NCAPG2: variants seen among roughly 807,000 people sequenced by gnomAD.
The protein encoded by NCAPG2 is non-SMC condensin II complex subunit G2, also known as condensin-2 complex subunit G2.
NCAPG2 carries 53 observed loss-of-function variants against 141.1 expected under a neutral mutation model. The observed-to-expected ratio is 0.38, with a 90% CI of 0.30 to 0.47. The LOEUF is 0.47. Ranked by LOEUF, NCAPG2 falls within the 20% of genes least tolerant of loss-of-function variation. The pLI is 0.99. For missense variants in NCAPG2, 1,087 were observed against 1,389.0 expected, an observed-to-expected ratio of 0.78 and a Z score of 3.46; for synonymous variants, 499 against 490.7, an observed-to-expected ratio of 1.02 and a Z score of -0.22.
chr7:158,631,305 C>T lies in NCAPG2; in HGVS notation c.*361G>A. 4.2e-6 allele frequency: 1 copy of T among 238,568 alleles called. No individual in the cohort carries two copies. Among genetic ancestry groups the T allele is most frequent in the Non-Finnish European group, 8.0e-6 (1 of 125,426 alleles). 14.8% of individuals were successfully genotyped at this position (238,568 alleles called of 1,614,324 possible). On this transcript the variant is annotated 3_prime_UTR_variant, in exon 28 of 28. Coordinates refer to ENST00000356309, the MANE Select transcript of NCAPG2 (RefSeq NM_017760.7). ...CGGGCCCCTAATACTTTCAAATAAA[C>T]AAATGGATGTTGTCATTGCTTTATT...
intron 17 of NCAPG2, 102 bp from the exon 18 acceptor site, chr7:158,656,807 T>C: frequency 7.5e-7 from 1 of 1,340,404 alleles, no homozygotes; most frequent in African/African-American, 1.5e-5. Context: ...TGACGGTGCA[T>C]AAGCCCTTGT....
At chr7:158,674,987 A>G (rs1437760818) in intron 12 of NCAPG2, among the ~76,000 whole-genome samples, 2 of 152,328 alleles carry the variant, frequency 1.3e-5, no homozygotes, top group Admixed American at 1.3e-4. Flanking sequence ...CAGGGGGAAA[A>G]AAGATCAGTG....
intron 11 of NCAPG2, among the ~76,000 whole-genome samples, chr7:158,677,849 C>G (rs888288385): frequency 6.6e-5 from 10 of 152,132 alleles, no homozygotes; most frequent in Non-Finnish European, 1.2e-4. Flanking sequence ...CTTGCTCTGT[C>G]ACCCAGGCTG....
At chr7:158,691,858 T>C (rs1276528003) in intron 4 of NCAPG2, among the ~76,000 whole-genome samples, 3 of 152,236 alleles carry the variant, frequency 2.0e-5, no homozygotes, top group Non-Finnish European at 2.9e-5. Flanking sequence ...TGACACTATC[T>C]AGCAATGGTA....
intron 4 of NCAPG2, among the ~76,000 whole-genome samples, chr7:158,692,073 G>A (rs141775836): frequency 9.2e-5 from 14 of 152,204 alleles, no homozygotes; most frequent in Non-Finnish European, 4.4e-5. Context: ...GCCAGGGCAA[G>A]GTGGGAGGAT....
At chr7:158,663,148 AC>A (rs1460452348) in intron 15 of NCAPG2, among the ~76,000 whole-genome samples, 1 of 152,164 alleles carries the variant, frequency 6.6e-6, no homozygotes, top group African/African-American at 2.4e-5. Context: ...ACACAGCCAG[AC>A]CCACCAACAA....
rs1264184874 is a variant in NCAPG2, at chr7:158,698,438, A to G, written c.78+3384T>C. Among the ~76,000 whole-genome samples, 10 of 152,144 alleles carry G rather than the reference A, an allele frequency of 6.6e-5. No individual in the cohort carries two copies. In the South Asian group the frequency reaches 2.1e-3, roughly 31 times the overall value. ...AGATGTACCATTTTTTATGTTTTAT[A>G]CTGTATTTTTACTGTACCTTTTCAA... On this transcript the variant is annotated intron_variant, in intron 2 of 27. Transcript: ENST00000356309.
At chr7:158,671,334 A>C (rs1833670426) in intron 13 of NCAPG2, among the ~76,000 whole-genome samples, 180 bp downstream of exon 13, 1 of 152,270 alleles carries the variant, frequency 6.6e-6, no homozygotes, top group Non-Finnish European at 1.5e-5. Context: ...GAAAGAAAAC[A>C]CATTGATAAT....
Position 158,648,357 on chromosome 7 carries a change from G to A in NCAPG2, c.3076-1794C>T, listed in dbSNP as rs147849084. Among the ~76,000 whole-genome samples the A allele has an allele frequency of 5.2e-3, 791 of 151,304 alleles. 8 individuals are homozygous for A. Among genetic ancestry groups the A allele is most frequent in the African/African-American group, 0.014 (557 of 41,196 alleles). On this transcript the variant is annotated intron_variant, in intron 24 of 27. Coordinates refer to ENST00000356309, the MANE Select transcript of NCAPG2 (RefSeq NM_017760.7). Reference sequence around the variant, plus strand: ...ATAAAGTCAACAGAGATAAAATGGCGTAGTAAAAACAATTCATCATAAAAG... The same window carrying A: ...ATAAAGTCAACAGAGATAAAATGGCATAGTAAAAACAATTCATCATAAAAG...
At chr7:158,660,084 G>GGCGACAGA (rs907600471) in intron 16 of NCAPG2, among the ~76,000 whole-genome samples, 4 of 151,622 alleles carry the variant, frequency 2.6e-5, no homozygotes, top group African/African-American at 7.3e-5. Flanking sequence ...CTCCAGCCTG[G>GGCGACAGA]GCGACAGAGC....
At chr7:158,687,923 C>T (rs2129468609) in intron 6 of NCAPG2, among the ~76,000 whole-genome samples, 1 of 152,280 alleles carries the variant, frequency 6.6e-6, no homozygotes, top group South Asian at 2.1e-4. Context: ...TTTCCAAATA[C>T]ACAGTCTTCA....
rs1834546994 is a variant in NCAPG2, at chr7:158,683,237, A to C, written c.924+63T>G. 5 of 1,314,192 alleles carry C rather than the reference A, an allele frequency of 3.8e-6. No individual in the cohort carries two copies. In the Admixed American group the frequency reaches 7.8e-5, roughly 21 times the overall value. 81.4% of individuals were successfully genotyped at this position (1,314,192 alleles called of 1,614,324 possible). A position where few individuals can be genotyped will look rare whatever the true frequency, so the allele number is the denominator to read the frequency against. ...AGCTTAATTTTAAAATTTAACCAAA[A>C]CAATTATCTAAAAACAAAACAGAGG... On this transcript the variant is annotated intron_variant, in intron 9 of 27. Transcript: ENST00000356309.
At chr7:158,658,450 C>G in intron 16 of NCAPG2, 42 bp from the exon 17 acceptor site, 1 of 1,515,848 alleles carries the variant, frequency 6.6e-7, no homozygotes, top group Middle Eastern at 1.7e-4. Context: ...CATATGTAAG[C>G]ACTATAAATT....
In NCAPG2 at chr7:158,631,606, C is replaced by T. The variant is rs928117504; in HGVS notation, c.*60G>A. ...ACATTAAAAACAATAGGAAAATACA[C>T]AGGCATTTCAATTTGAATCACTTTT... On this transcript the variant is annotated 3_prime_UTR_variant, in exon 28 of 28. Coordinates refer to ENST00000356309, the MANE Select transcript of NCAPG2 (RefSeq NM_017760.7). 1.4e-6 allele frequency: 2 copies of T among 1,381,102 alleles called. No individual in the cohort carries two copies. Among genetic ancestry groups the T allele is most frequent in the Admixed American group, 1.7e-5 (1 of 58,224 alleles). The allele number at this position is 1,381,102 out of a possible 1,614,324, so 85.6% of individuals were successfully genotyped here. A position where few individuals can be genotyped will look rare whatever the true frequency, so the allele number is the denominator to read the frequency against.
At chr7:158,671,058 G>A (rs1417431593) in intron 13 of NCAPG2, among the ~76,000 whole-genome samples, 2 of 131,080 alleles carry the variant, frequency 1.5e-5, no homozygotes, top group Non-Finnish European at 3.2e-5. Flanking sequence ...TAAAGTGGGT[G>A]TCTCCCTCCT....
intron 8 of NCAPG2, among the ~76,000 whole-genome samples, chr7:158,684,763 G>A (rs1231908934): frequency 6.6e-6 from 1 of 152,220 alleles, no homozygotes; most frequent in Non-Finnish European, 1.5e-5. Context: ...ATGTTGGCCA[G>A]GCTGGTCTCA....
intron 8 of NCAPG2, among the ~76,000 whole-genome samples, chr7:158,685,926 C>G (rs1180789264): frequency 6.6e-6 from 1 of 152,142 alleles, no homozygotes; most frequent in African/African-American, 2.4e-5. Flanking sequence ...TTCCAAATGC[C>G]CAGTGAGCAC....
chr7:158,644,692 G>A (rs911773818), intron 26 of NCAPG2, among the ~76,000 whole-genome samples: 4 of 152,100 alleles, frequency 2.6e-5, no homozygotes, highest in Admixed American at 2.0e-4. Context: ...TTTAACTATC[G>A]CAGGTAGTTA....
At chr7:158,654,770 C>G in intron 21 of NCAPG2, 76 bp from the exon 22 acceptor site, 2 of 1,523,440 alleles carry the variant, frequency 1.3e-6, no homozygotes, top group East Asian at 4.8e-5. Context: ...CAAAGCTTCT[C>G]CTATCCATGT....
Sources: allele counts gnomAD v4.1 joint callset (sites outside exome capture counted in the v4.1 genomes callset), GRCh38; gene constraint gnomAD v4.1.1; transcripts MANE v1.5; gene names NCBI Gene and HGNC (gene_info 2026-07-23, HGNC 2026-07-21).